The following LCLAT1 variants were observed in gnomAD, a reference collection of about 807,000 sequenced individuals.
LCLAT1 encodes 1-AGP acyltransferase 8.
Under a neutral mutation model 30.7 loss-of-function variants are expected in LCLAT1, and 11 were observed. The observed-to-expected ratio is 0.36, with a 90% CI of 0.23 to 0.59. The LOEUF is 0.59. LCLAT1 is among the 20% of genes least tolerant of loss of function. The pLI is 0.77. For synonymous variants in LCLAT1, 155 were observed against 151.3 expected, an observed-to-expected ratio of 1.02 and a Z score of -0.18; for missense variants, 402 against 458.6, an observed-to-expected ratio of 0.88 and a Z score of 1.13.
At chr2:30,583,447 AC>A (rs1447987769) in intron 5 of LCLAT1, among the ~76,000 whole-genome samples, 2 of 152,116 alleles carry the variant, frequency 1.3e-5, no homozygotes, top group Non-Finnish European at 2.9e-5. Context: ...AAAAGCACAT[AC>A]TTGATTTTTT....
intron 5 of LCLAT1, among the ~76,000 whole-genome samples, chr2:30,578,121 A>G (rs1265557588): frequency 5.9e-5 from 9 of 152,140 alleles, no homozygotes; most frequent in Admixed American, 4.6e-4. Flanking sequence ...TTGAAGTGAC[A>G]GATTTCCTCT....
chr2:30,611,130 T>G (rs768505945), intron 5 of LCLAT1, among the ~76,000 whole-genome samples: 1 of 151,966 alleles, frequency 6.6e-6, no homozygotes, highest in Non-Finnish European at 1.5e-5. Flanking sequence ...ATTAGCATTT[T>G]TCTTCTGGCC....
intron 1 of LCLAT1, chr2:30,459,710 C>A (rs1572471145): frequency 6.2e-7 from 1 of 1,612,750 alleles, no homozygotes. Flanking sequence ...AAGCAGGACT[C>A]TAAAAGCTTT....
At chr2:30,536,986 C>G (rs372273891) in intron 3 of LCLAT1, among the ~76,000 whole-genome samples, 1 of 151,544 alleles carries the variant, frequency 6.6e-6, no homozygotes, top group African/African-American at 2.4e-5. Context: ...TGACTTCACC[C>G]GTGAAGAAAC....
chr2:30,591,022 A>G (rs985279720), intron 5 of LCLAT1, among the ~76,000 whole-genome samples: 2 of 152,158 alleles, frequency 1.3e-5, no homozygotes, highest in Non-Finnish European at 2.9e-5. Flanking sequence ...TTTGCAGTTT[A>G]GGGCATTAGA....
intron 3 of LCLAT1, among the ~76,000 whole-genome samples, chr2:30,534,382 G>A (rs1319321945): frequency 6.6e-6 from 1 of 151,976 alleles, no homozygotes; most frequent in Admixed American, 6.6e-5. Flanking sequence ...GGTTCACGCT[G>A]TTCTCCTGGC....
At chr2:30,634,583 C>G (rs371874031) in intron 5 of LCLAT1, among the ~76,000 whole-genome samples, 1 of 152,098 alleles carries the variant, frequency 6.6e-6, no homozygotes, top group African/African-American at 2.4e-5. Flanking sequence ...CGGCGACAAG[C>G]GCAAAACTCC....
intron 1 of LCLAT1, among the ~76,000 whole-genome samples, chr2:30,475,089 C>G (rs758966137): frequency 3.9e-5 from 6 of 152,160 alleles, no homozygotes; most frequent in Non-Finnish European, 8.8e-5. Flanking sequence ...CCTTGAACTC[C>G]TGGGCTCAAG....
chr2:30,611,031 T>G (rs1274114018), intron 5 of LCLAT1, among the ~76,000 whole-genome samples: 1 of 151,824 alleles, frequency 6.6e-6, no homozygotes, highest in African/African-American at 2.4e-5. Context: ...CCCCCAATAT[T>G]CCTCCCTTAA....
chr2:30,525,403 C>A (rs1685661729), intron 1 of LCLAT1, among the ~76,000 whole-genome samples, 184 bp from the exon 2 acceptor site: 1 of 152,062 alleles, frequency 6.6e-6, no homozygotes, highest in African/African-American at 2.4e-5. Context: ...AATGTACTGG[C>A]AACTTGTTAG....
intron 5 of LCLAT1, among the ~76,000 whole-genome samples, chr2:30,632,926 A>G (rs1337127550): frequency 6.6e-6 from 1 of 152,208 alleles, no homozygotes; most frequent in Admixed American, 6.5e-5. Context: ...TACTCAAAGA[A>G]AATGGTACTG....
chr2:30,489,570 T>TGAC (rs778484245), intron 1 of LCLAT1, among the ~76,000 whole-genome samples: 19 of 152,182 alleles, frequency 1.2e-4, no homozygotes, highest in Admixed American at 4.6e-4. Flanking sequence ...GCCAGGATGG[T>TGAC]CTCGATCTCC....
At chr2:30,577,865 T>G (rs1165697583) in intron 5 of LCLAT1, among the ~76,000 whole-genome samples, 4 of 152,124 alleles carry the variant, frequency 2.6e-5, no homozygotes, top group African/African-American at 9.7e-5. Context: ...CTGATTTTGA[T>G]GGCCGAAATA....
At chr2:30,467,317 A>G (rs1682498436) in intron 1 of LCLAT1, among the ~76,000 whole-genome samples, 1 of 152,050 alleles carries the variant, frequency 6.6e-6, no homozygotes, top group Non-Finnish European at 1.5e-5. Context: ...TATGTGCCAC[A>G]TTTTCTTAAT....
At chr2:30,638,765 C>T (rs960979332) in intron 5 of LCLAT1, among the ~76,000 whole-genome samples, 1 of 97,914 alleles carries the variant, frequency 1.0e-5, no homozygotes, top group Admixed American at 9.5e-5. Context: ...TTGACTCCTC[C>T]CTGCTCCTCC....
At chr2:30,455,255 A>G (rs919455311) in intron 1 of LCLAT1, among the ~76,000 whole-genome samples, 2 of 152,192 alleles carry the variant, frequency 1.3e-5, no homozygotes, top group Non-Finnish European at 2.9e-5. Context: ...TTTGTACTTC[A>G]GACTAGTCAA....
intron 5 of LCLAT1, among the ~76,000 whole-genome samples, chr2:30,592,555 T>C (rs918479491): frequency 1.3e-5 from 2 of 152,232 alleles, no homozygotes; most frequent in African/African-American, 4.8e-5. Flanking sequence ...AAATGAATTA[T>C]GTTGTTTATA....
chr2:30,559,479 T>G (rs937518833), intron 3 of LCLAT1, among the ~76,000 whole-genome samples: 1 of 152,214 alleles, frequency 6.6e-6, no homozygotes, highest in Admixed American at 6.5e-5. Context: ...CATTCACCTA[T>G]TTTTGCAGGT....
chr2:30,623,085 ACT>A (rs1668343712), intron 5 of LCLAT1, among the ~76,000 whole-genome samples: 1 of 120,002 alleles, frequency 8.3e-6, no homozygotes, highest in Non-Finnish European at 1.6e-5. Context: ...ACGGAGTCTC[ACT>A]CTGTCGCCAG....
Sources: gnomAD v4.1 joint callset for allele counts (sites outside exome capture counted in the v4.1 genomes callset) on GRCh38, gnomAD v4.1.1 for gene constraint, MANE v1.5 for transcripts, NCBI Gene and HGNC (gene_info 2026-07-23, HGNC 2026-07-21) for gene names.